The following EPB41L1 variants were observed in gnomAD, a reference collection of about 807,000 sequenced individuals.
EPB41L1 encodes the protein erythrocyte membrane protein band 4.1 like 1.
In EPB41L1, 29 loss-of-function variants were observed where a neutral mutation model predicts 97.8. The ratio of observed to expected loss-of-function variants is 0.30; its 90% CI spans 0.22 to 0.40. EPB41L1 has a LOEUF of 0.40. EPB41L1 is among the 10% of genes least tolerant of loss of function. EPB41L1 has a pLI of 1.00. For synonymous variants in EPB41L1, 383 were observed against 459.2 expected (o/e 0.83, Z 2.12); for missense variants, 812 against 1,162.3 (o/e 0.70, Z 4.38).
intron 1 of EPB41L1, chr20:36,155,666 C>T (rs1361901599): frequency 2.2e-6 from 1 of 456,004 alleles, no homozygotes; most frequent in Non-Finnish European, 4.4e-6. Context: ...GAAGTCTGGA[C>T]AAGGACCAAA....
rs756139105 is a variant in EPB41L1 at position 36,187,660 on chromosome 20, A to G, written c.786-16A>G. 19 of 1,611,412 alleles carry G rather than the reference A, an allele frequency of 1.2e-5. No homozygotes were observed. Among genetic ancestry groups the G allele is most frequent in the Non-Finnish European group, 1.6e-5 (19 of 1,177,972 alleles). ...GCCTTTCCCTTGGTCACCTGTGATC[A>G]CTTTCTTTCCCTCAGGGGGATGACC... On this transcript the variant is annotated splice_polypyrimidine_tract_variant and intron_variant, in intron 7 of 21. Coordinates refer to ENST00000338074, the MANE Select transcript of EPB41L1 (RefSeq NM_012156.2).
In EPB41L1 at chr20:36,190,301, G is replaced by T. The variant is rs764168312; in HGVS notation, c.1051G>T (p.Gly351Cys). ...GEYEQFESTI[G>C]FKLPNHRSAK... ...GTATGAGCAATTTGAGAGCACAATT[G>T]GCTTTAAGCTCCCAAACCACCGGTC... Residue 351 changes from glycine to cysteine, a missense_variant, in exon 10 of 22, where the codon GGC (glycine) becomes TGC (cysteine). Physicochemically the swap from Gly to Cys is radical, Grantham distance 159. This residue lies in a region of EPB41L1 where 230 missense variants were observed against 445.2 expected (regional missense o/e 0.52). Transcript: ENST00000338074. The surrounding 1 kb of genome is among the most constrained non-coding windows in gnomAD (Gnocchi z 5.8). 6.2e-7 allele frequency: 1 copy of T among 1,614,112 alleles called. No individual in the cohort carries two copies. The highest frequency in any genetic ancestry group is 8.5e-7 in the Non-Finnish European group (1 of 1,180,028).
rs139782057 is a variant in EPB41L1, at chr20:36,110,129, C to T, written c.-64-2297C>T. ...GCTAATTTTATATTTTTAGTAGAGA[C>T]GGGGTTTCTCCATGTTGGTCAGGCT... On this transcript the variant is annotated intron_variant, in intron 1 of 19. Transcript: ENST00000202028. 4.7e-3 allele frequency among the ~76,000 whole-genome samples: 719 copies of T among 151,946 alleles called. 7 individuals carry two copies. Among genetic ancestry groups the T allele is most frequent in the African/African-American group, 0.017 (694 of 41,414 alleles).
rs1323278974 is a variant in EPB41L1, at chr20:36,231,075, A to G, written c.*1735A>G. The G allele has an allele frequency of 2.6e-5, 4 of 152,056 alleles. No homozygotes were observed. Among genetic ancestry groups the G allele is most frequent in the South Asian group, 2.1e-4 (1 of 4,828 alleles). 9.4% of individuals were successfully genotyped at this position (152,056 alleles called of 1,614,324 possible). A position where few individuals can be genotyped will look rare whatever the true frequency, so the allele number is the denominator to read the frequency against. On this transcript the variant is annotated 3_prime_UTR_variant, in exon 22 of 22. Transcript: ENST00000338074. ...CTGAGACTGACGGGTGATGTTGCTC[A>G]TAGGCTCCAGCTCTGCATAAGACCT...
Position 36,206,108 on chromosome 20 carries a change from T to G in EPB41L1, c.1669-3380T>G, listed in dbSNP as rs1402301705. 1 of 1,289,778 alleles carries G rather than the reference T, an allele frequency of 7.8e-7. No individual in the cohort carries two copies. The highest frequency in any genetic ancestry group is 5.6e-5 in the East Asian group (1 of 18,014). The allele number at this position is 1,289,778 out of a possible 1,614,324, so 79.9% of individuals were successfully genotyped here. On this transcript the variant is annotated intron_variant, in intron 14 of 21. Transcript: ENST00000338074. The surrounding 1 kb of genome is among the most constrained non-coding windows in gnomAD (Gnocchi z 5.5). Reference sequence around the variant, plus strand: ...GCAAGTCCTGAAGACTTTGAGTCAGTGGGGGAGGAAGGCCCCTGGATCAGG... The same window carrying G: ...GCAAGTCCTGAAGACTTTGAGTCAGGGGGGGAGGAAGGCCCCTGGATCAGG...
intron 1 of EPB41L1, among the ~76,000 whole-genome samples, chr20:36,163,988 C>T (rs190485819): frequency 2.6e-4 from 40 of 152,264 alleles, no homozygotes; most frequent in East Asian, 3.9e-4. Context: ...GGACTACAGG[C>T]GCCTGCCACC....
chr20:36,217,907 G>GA (rs980430978), intron 17 of EPB41L1, among the ~76,000 whole-genome samples: 1 of 152,174 alleles, frequency 6.6e-6, no homozygotes, highest in Non-Finnish European at 1.5e-5. Flanking sequence ...TCAGGCCACT[G>GA]AGGACCTGCA....
rs538096119 is a variant in EPB41L1, at chr20:36,173,645, C to T, written c.-14-119C>T. On this transcript the variant is annotated intron_variant, in intron 1 of 21. Coordinates refer to ENST00000338074, the MANE Select transcript of EPB41L1 (RefSeq NM_012156.2). The stretch of plus-strand genomic sequence containing the variant: ...GTCTCTCCCTTCCTCCTCCCTTTGC[C>T]CTGTGACTCTTTGTCCGTTTGCCTC... The T allele has an allele frequency of 1.3e-4, 114 of 900,006 alleles. No homozygotes were observed. In the Middle Eastern group the frequency reaches 1.3e-3, roughly 10 times the overall value. 55.8% of individuals were successfully genotyped at this position (900,006 alleles called of 1,614,324 possible).
At chr20:36,214,069 T>A (rs149224467) in intron 16 of EPB41L1, among the ~76,000 whole-genome samples, 1 of 152,328 alleles carries the variant, frequency 6.6e-6, no homozygotes, top group East Asian at 1.9e-4. Flanking sequence ...TCAAAGGTTA[T>A]ATCCAAAGAG....
At chr20:36,187,219 G>A (rs539427801) in intron 7 of EPB41L1, among the ~76,000 whole-genome samples, 1 of 152,302 alleles carries the variant, frequency 6.6e-6, no homozygotes, top group East Asian at 1.9e-4. Context: ...TTTTTGGAAA[G>A]GAGAATGTGC....
intron 21 of EPB41L1, among the ~76,000 whole-genome samples, chr20:36,223,089 G>T (rs920572362): frequency 6.6e-6 from 1 of 152,200 alleles, no homozygotes; most frequent in African/African-American, 2.4e-5. Flanking sequence ...GTAAAGACGT[G>T]GTTTCACCGT....
intron 1 of EPB41L1, among the ~76,000 whole-genome samples, chr20:36,169,623 A>G (rs2060896035): frequency 6.6e-6 from 1 of 151,958 alleles, no homozygotes; most frequent in African/African-American, 2.4e-5. Context: ...TCTCCTCTCT[A>G]TCCCCTGCCC....
chr20:36,154,472 C>G (rs1260504678), upstream of EPB41L1, among the ~76,000 whole-genome samples: 2 of 147,492 alleles, frequency 1.4e-5, no homozygotes, highest in East Asian at 4.2e-4. The surrounding 1 kb of genome is among the most constrained non-coding windows in gnomAD (Gnocchi z 5.5). Flanking sequence ...TGGCACGGAC[C>G]GGGAGGAGGT....
Position 36,188,581 on chromosome 20 carries a change from AACACACACACAC to A in EPB41L1, c.1026+132_1026+143del, listed in dbSNP as rs55990020. On this transcript the variant is annotated intron_variant, in intron 9 of 21. Transcript: ENST00000338074. Reference sequence around the variant, plus strand: ...CCCTGGCAGCTGGGCCTGGACTGCCAACACACACACACACACACACACACACACACACACACA... The same window carrying A: ...CCCTGGCAGCTGGGCCTGGACTGCCAACACACACACACACACACACACACA... 2.3e-3 allele frequency: 1,057 copies of A among 467,094 alleles called. 9 individuals are homozygous for A. The highest frequency in any genetic ancestry group is 4.1e-3 in the African/African-American group (114 of 27,606). The allele number at this position is 467,094 out of a possible 1,614,324, so 28.9% of individuals were successfully genotyped here.
chr20:36,093,322 G>GGT lies in EPB41L1; in HGVS notation c.-65+1720_-65+1721dup, dbSNP rs1275120499. Among the ~76,000 whole-genome samples, 3 of 150,682 alleles carry GGT rather than the reference G, an allele frequency of 2.0e-5. No homozygotes were observed. The highest frequency in any genetic ancestry group is 4.4e-5 in the Non-Finnish European group (3 of 67,548). ...GTGGCTGCAGCCTGTGGCGGGTGTGGGTGTGTGTGTGCGCGCGCGTCGCTG... is the reference window on the plus strand; with the variant it reads ...GTGGCTGCAGCCTGTGGCGGGTGTGGGTGTGTGTGTGTGCGCGCGCGTCGCTG... On this transcript the variant is annotated intron_variant, in intron 1 of 19. Coordinates refer to the EPB41L1 transcript ENST00000202028. This position sits in a 1 kb window ranked among gnomAD's most constrained non-coding sequence, Gnocchi z 5.4.
Position 36,114,397 on chromosome 20 carries a change from A to G in EPB41L1, c.-10+1917A>G, listed in dbSNP as rs549057713. 4.6e-5 allele frequency among the ~76,000 whole-genome samples: 7 copies of G among 152,258 alleles called. No individual in the cohort carries two copies. In the East Asian group the frequency reaches 1.4e-3, roughly 29 times the overall value. The stretch of plus-strand genomic sequence containing the variant: ...GGTCTAAAGACCACTGGGTCAGGGT[A>G]TTCTTGAGAACATGCTTTGAAAACT... On this transcript the variant is annotated intron_variant, in intron 2 of 19. Coordinates refer to the EPB41L1 transcript ENST00000202028.
At chr20:36,104,850 T>C (rs1384933490) in intron 1 of EPB41L1, among the ~76,000 whole-genome samples, 5 of 152,136 alleles carry the variant, frequency 3.3e-5, no homozygotes, top group African/African-American at 1.2e-4. Context: ...CCGAGTGAAC[T>C]GGCCTCGCGC....
At chr20:36,183,979 A>G (rs2061572847) in intron 6 of EPB41L1, among the ~76,000 whole-genome samples, 1 of 152,230 alleles carries the variant, frequency 6.6e-6, no homozygotes, top group Admixed American at 6.5e-5. Context: ...TCACACCTGT[A>G]ATCCCAGTAC....
chr20:36,098,887 G>A (rs1393279994), intron 1 of EPB41L1, among the ~76,000 whole-genome samples: 2 of 152,168 alleles, frequency 1.3e-5, no homozygotes, highest in Non-Finnish European at 2.9e-5. Flanking sequence ...TTGGGAGGCC[G>A]AGGTGGGCAG....
Sources: gnomAD v4.1 joint callset for allele counts (sites outside exome capture counted in the v4.1 genomes callset) on GRCh38, gnomAD v4.1.1 for gene constraint, gnomAD v4.1.1 regional missense constraint, Gnocchi (gnomAD v3.1) non-coding constraint, MANE v1.5 for transcripts, NCBI Gene and HGNC (gene_info 2026-07-23, HGNC 2026-07-21) for gene names.